Variants in PCDH11X observed in about 807,000 individuals in gnomAD.
The protein encoded by PCDH11X is protocadherin 11 X-linked, also known as protocadherin-11 X-linked.
In PCDH11X, 18 loss-of-function variants were observed where a neutral mutation model predicts 53.3. That is an observed-to-expected ratio of 0.34 (90% confidence interval 0.23 to 0.50). The LOEUF (loss-of-function observed/expected upper bound fraction) is 0.50. PCDH11X is among the 20% of genes least tolerant of loss of function. PCDH11X has a pLI of 0.98. For missense variants in PCDH11X, 570 were observed against 1,032.4 expected (o/e 0.55, Z 6.14); for synonymous variants, 279 against 393.3 (o/e 0.71, Z 3.44).
chrX:92,258,608 C>G (rs972176882), intron 7 of PCDH11X, among the ~76,000 whole-genome samples: 2 of 111,000 alleles, frequency 1.8e-5, no homozygotes, highest in Admixed American at 1.9e-4. Flanking sequence ...ACCTCGTGAT[C>G]CACCTGCCTC....
intron 6 of PCDH11X, among the ~76,000 whole-genome samples, chrX:92,091,332 C>G (rs2064044965): frequency 1.8e-5 from 2 of 109,652 alleles, no homozygotes; most frequent in Non-Finnish European, 3.8e-5. Flanking sequence ...ATTTGACTGC[C>G]AGTATGGATT....
rs1371747339 is a variant in PCDH11X at position 92,320,669 on chromosome X, C to G, written c.3144+57526C>G. 2.7e-5 allele frequency among the ~76,000 whole-genome samples: 3 copies of G among 110,874 alleles called. No homozygotes were observed. In the East Asian group the frequency reaches 8.8e-4, roughly 32 times the overall value. ...GTATACTCACGTTAATTAAAGAACC[C>G]ACACAATTTATAAATTTAGAAAAGG... On this transcript the variant is annotated intron_variant, in intron 8 of 10. Transcript: ENST00000682573.
chrX:92,033,314 A>G (rs2063079331), intron 6 of PCDH11X, among the ~76,000 whole-genome samples: 1 of 105,556 alleles, frequency 9.5e-6, no homozygotes, highest in Non-Finnish European at 1.9e-5. Context: ...TAGGATTGGC[A>G]TTAGTTCTTC....
intron 6 of PCDH11X, among the ~76,000 whole-genome samples, chrX:91,903,380 T>C (rs1489158017): frequency 1.8e-5 from 2 of 111,359 alleles, no homozygotes; most frequent in South Asian, 3.8e-4. Flanking sequence ...TAAGTTTCAG[T>C]ATAAATACCC....
At chrX:91,886,840 G>A (rs372090716) in intron 6 of PCDH11X, among the ~76,000 whole-genome samples, 36 of 107,488 alleles carry the variant, frequency 3.3e-4, no homozygotes, top group South Asian at 1.7e-3. Flanking sequence ...GCGTGGTGGC[G>A]GGCGCCTGTA....
chrX:92,094,426 A>C (rs2064102191), intron 6 of PCDH11X, among the ~76,000 whole-genome samples: 1 of 110,796 alleles, frequency 9.0e-6, no homozygotes, highest in Admixed American at 9.8e-5. Flanking sequence ...GCTTAAAAGT[A>C]TTCTTATGCC....
intron 7 of PCDH11X, among the ~76,000 whole-genome samples, chrX:92,257,036 G>T (rs896395565): frequency 2.4e-4 from 27 of 111,710 alleles, no homozygotes; most frequent in African/African-American, 8.1e-4. Flanking sequence ...TCATGGTTCT[G>T]CCAATTGTAC....
At chrX:92,469,905 T>C (rs1340836637) in intron 10 of PCDH11X, among the ~76,000 whole-genome samples, 1 of 110,034 alleles carries the variant, frequency 9.1e-6, no homozygotes, top group East Asian at 2.8e-4. Flanking sequence ...TGTGGTTCCA[T>C]ATAAGTTTTA....
At chrX:92,324,293 TTC>T (rs766621086) in intron 8 of PCDH11X, among the ~76,000 whole-genome samples, 10 of 111,734 alleles carry the variant, frequency 8.9e-5, no homozygotes, top group Non-Finnish European at 1.9e-4. Context: ...AATCATGGTC[TTC>T]TGTGTAAACC....
At chrX:92,234,030 A>G (rs2148374582) in intron 7 of PCDH11X, among the ~76,000 whole-genome samples, 1 of 112,223 alleles carries the variant, frequency 8.9e-6, no homozygotes, top group South Asian at 3.7e-4. Context: ...ATGTTGAAGG[A>G]TGTCATAAAT....
At chrX:91,898,864 A>G (rs1244815644) in intron 6 of PCDH11X, among the ~76,000 whole-genome samples, 1 of 110,151 alleles carries the variant, frequency 9.1e-6, no homozygotes, top group Non-Finnish European at 1.9e-5. Context: ...TATCTAATAT[A>G]TCTACTGTGA....
intron 9 of PCDH11X, among the ~76,000 whole-genome samples, chrX:92,398,967 C>T (rs11797106): frequency 1.8e-5 from 2 of 108,538 alleles, no homozygotes; most frequent in Non-Finnish European, 3.8e-5. Flanking sequence ...CTGAGGCGGG[C>T]GGATCACGAG....
chrX:91,970,319 A>G (rs2061939162), intron 6 of PCDH11X, among the ~76,000 whole-genome samples: 1 of 111,447 alleles, frequency 9.0e-6, no homozygotes, highest in Admixed American at 9.6e-5. Flanking sequence ...GGCCCCACCC[A>G]CATCCTGCTG....
At chrX:91,869,614 T>C (rs1325566663) in intron 5 of PCDH11X, among the ~76,000 whole-genome samples, 1 of 111,292 alleles carries the variant, frequency 9.0e-6, no homozygotes, top group Non-Finnish European at 1.9e-5. Context: ...TAAAAAGAGC[T>C]GATTAGCAAC....
chrX:92,071,301 C>T (rs1382094216), intron 6 of PCDH11X, among the ~76,000 whole-genome samples: 7 of 111,132 alleles, frequency 6.3e-5, no homozygotes, highest in Non-Finnish European at 9.4e-5. Context: ...TTCAGCATGT[C>T]AGTTGCATCT....
At position 92,156,943 on chromosome X, in the gene PCDH11X, C is replaced by A. The variant is rs182882628; in HGVS notation, c.3034-44432C>A. On this transcript the variant is annotated intron_variant, in intron 6 of 10. Transcript: ENST00000682573. The stretch of plus-strand genomic sequence containing the variant: ...TTCAGCTTGGATAAGCTTAAAACGA[C>A]CTTCATAAGAGAGATTTGAATACAC... Among the ~76,000 whole-genome samples the A allele has an allele frequency of 1.1e-4, 12 of 111,680 alleles. No individual in the cohort carries two copies. In the East Asian group the frequency reaches 3.4e-3, roughly 32 times the overall value.
At chrX:92,045,088 T>C (rs1482737527) in intron 6 of PCDH11X, among the ~76,000 whole-genome samples, 2 of 97,910 alleles carry the variant, frequency 2.0e-5, no homozygotes, top group Non-Finnish European at 3.9e-5. Flanking sequence ...ATGCTCTTTC[T>C]AAAATGACAA....
At chrX:92,304,091 A>G (rs1381083262) in intron 8 of PCDH11X, among the ~76,000 whole-genome samples, 16 of 106,751 alleles carry the variant, frequency 1.5e-4, no homozygotes, top group African/African-American at 5.5e-4. Context: ...TGTTATGTTT[A>G]GGTTATGTCT....
chrX:92,035,457 C>T (rs755920749), intron 6 of PCDH11X, among the ~76,000 whole-genome samples: 2 of 105,266 alleles, frequency 1.9e-5, no homozygotes, highest in East Asian at 6.1e-4. Flanking sequence ...TTAAATATGT[C>T]CTGACTATCT....
Sources: gnomAD v4.1 joint callset for allele counts (sites outside exome capture counted in the v4.1 genomes callset) on GRCh38, gnomAD v4.1.1 for gene constraint, MANE v1.5 for transcripts, NCBI Gene and HGNC (gene_info 2026-07-23, HGNC 2026-07-21) for gene names.